Variants in NKD1 observed in about 807,000 individuals in gnomAD.
The protein encoded by NKD1 is NKD inhibitor of Wnt signaling pathway 1.
Under a neutral mutation model 56.0 loss-of-function variants are expected in NKD1, and 21 were observed. That is an observed-to-expected ratio of 0.38 (90% CI 0.27 to 0.54). NKD1 has a LOEUF of 0.54. Among genes scored for constraint, NKD1 ranks in the 20% least tolerant of loss-of-function variants. The pLI is 0.82. For synonymous variants in NKD1, 263 were observed against 265.7 expected (o/e 0.99, Z 0.10); for missense variants, 578 against 642.7 (o/e 0.90, Z 1.09).
At position 50,630,175 on chromosome 16, in the gene NKD1, C is replaced by A; in HGVS notation, c.463-11C>A. The A allele has an allele frequency of 6.2e-7, 1 of 1,613,358 alleles. No individual in the cohort carries two copies. The highest frequency in any genetic ancestry group is 8.5e-7 in the Non-Finnish European group (1 of 1,179,516). On this transcript the variant is annotated splice_polypyrimidine_tract_variant and intron_variant, in intron 6 of 9. Coordinates refer to ENST00000268459, the MANE Select transcript of NKD1 (RefSeq NM_033119.5). ...AAACCCTGCATGGGTCTCCGCTTCC[C>A]TCCCATTCAGGACATCACCAGCTTG... is the stretch of plus-strand genomic sequence containing the variant.
At chr16:50,591,754 G>A (rs1222921475) in intron 3 of NKD1, among the ~76,000 whole-genome samples, 1 of 152,248 alleles carries the variant, frequency 6.6e-6, no homozygotes, top group Non-Finnish European at 1.5e-5. Flanking sequence ...GAAGGCTGTG[G>A]AGCCAGGAAG....
chr16:50,643,027 T>C lies in NKD1; in HGVS notation c.*9246T>C, dbSNP rs1454193523. 1.3e-5 allele frequency: 2 copies of C among 152,132 alleles called. No individual in the cohort carries two copies. The highest frequency in any genetic ancestry group is 2.9e-5 in the Non-Finnish European group (2 of 68,040). The allele number at this position is 152,132 out of a possible 1,614,324, so 9.4% of individuals were successfully genotyped here. On this transcript the variant is annotated 3_prime_UTR_variant, in exon 10 of 10. Coordinates refer to ENST00000268459, the MANE Select transcript of NKD1 (RefSeq NM_033119.5). ...TGGCAGCTCTAAGTCCTACAAACAG[T>C]AGGGGTAGTGGTGGGGATGGGCAGC...
chr16:50,570,209 A>G (rs1286935769), intron 3 of NKD1, among the ~76,000 whole-genome samples: 1 of 152,190 alleles, frequency 6.6e-6, no homozygotes, highest in Non-Finnish European at 1.5e-5. Context: ...TGTGGCTACT[A>G]GAACATTTAA....
intron 3 of NKD1, chr16:50,573,818 G>A (rs945508240): frequency 2.1e-5 from 21 of 985,260 alleles, no homozygotes; most frequent in South Asian, 1.4e-4. Context: ...GAACTCTCAC[G>A]GAAACGGGTT....
intron 6 of NKD1, among the ~76,000 whole-genome samples, chr16:50,628,292 G>T (rs1962267416): frequency 6.6e-6 from 1 of 152,218 alleles, no homozygotes; most frequent in Non-Finnish European, 1.5e-5. Context: ...ACTGAGCTGA[G>T]CGGCCGTGCC....
chr16:50,551,133 G>T (rs1314837482), intron 3 of NKD1, among the ~76,000 whole-genome samples: 1 of 151,860 alleles, frequency 6.6e-6, no homozygotes, highest in East Asian at 1.9e-4. Context: ...GGAGGGAGGA[G>T]GAAAGAGGGA....
chr16:50,589,716 T>TCTCTC (rs1302291796), intron 3 of NKD1, among the ~76,000 whole-genome samples: 15 of 48,102 alleles, frequency 3.1e-4, no homozygotes, highest in Admixed American at 4.9e-4. Flanking sequence ...TCTCTTCTCT[T>TCTCTC]CTCTTCTCTT....
At chr16:50,576,493 T>C (rs1202336651) in intron 3 of NKD1, among the ~76,000 whole-genome samples, 1 of 152,236 alleles carries the variant, frequency 6.6e-6, no homozygotes, top group East Asian at 1.9e-4. Context: ...CCTTTTGTTA[T>C]GTTTCTGATT....
chr16:50,586,471 C>T (rs1961232572), intron 3 of NKD1, among the ~76,000 whole-genome samples: 1 of 152,122 alleles, frequency 6.6e-6, no homozygotes, highest in African/African-American at 2.4e-5. Flanking sequence ...CCACCGTGAG[C>T]CACGTGTCTG....
At chr16:50,606,828 T>C (rs537566848) in intron 3 of NKD1, 1 of 456,694 alleles carries the variant, frequency 2.2e-6, no homozygotes, top group African/African-American at 2.0e-5. Flanking sequence ...CTACCAGCCT[T>C]TCAGGGGGCG....
At chr16:50,588,751 C>T (rs1402306455) in intron 3 of NKD1, among the ~76,000 whole-genome samples, 1 of 151,794 alleles carries the variant, frequency 6.6e-6, no homozygotes, top group Admixed American at 6.6e-5. Context: ...TTACCAGCGC[C>T]CGCCATCATG....
chr16:50,603,903 C>G (rs2151274445), intron 3 of NKD1, among the ~76,000 whole-genome samples: 1 of 152,286 alleles, frequency 6.6e-6, no homozygotes, highest in South Asian at 2.1e-4. Flanking sequence ...ACCACTGGGA[C>G]TTAGGAAGGT....
In NKD1 at chr16:50,637,369, C is replaced by G. The variant is rs907493556; in HGVS notation, c.*3588C>G. ...ATCACCTGAGGTCAGGAGTTCGAGA[C>G]CAACCTGGGCAACATGGTGAAACCC... On this transcript the variant is annotated 3_prime_UTR_variant, in exon 10 of 10. Transcript: ENST00000268459. 4 of 152,152 alleles carry G rather than the reference C, an allele frequency of 2.6e-5. No homozygotes were observed. The highest frequency in any genetic ancestry group is 6.5e-5 in the Admixed American group (1 of 15,280). The allele number at this position is 152,152 out of a possible 1,614,324, so 9.4% of individuals were successfully genotyped here. A position where few individuals can be genotyped will look rare whatever the true frequency, so the allele number is the denominator to read the frequency against.
In NKD1 at chr16:50,621,627, C is replaced by A. The variant is rs753605258; in HGVS notation, c.285C>A (p.Asp95Glu). 1.2e-6 allele frequency: 2 copies of A among 1,613,866 alleles called. No individual in the cohort carries two copies. Among genetic ancestry groups the A allele is most frequent in the Non-Finnish European group, 1.7e-6 (2 of 1,179,832 alleles). ...TGGCCCTGCCTCCTGAGAAGACTGACGGGCTGGGCAGCGGAGATGAGAAGA... is the reference window on the plus strand; with the variant it reads ...TGGCCCTGCCTCCTGAGAAGACTGAAGGGCTGGGCAGCGGAGATGAGAAGA... The part of the protein sequence containing the change: ...LEVALPPEKT[D>E]GLGSGDEKKM... The change falls in exon 5 of 10, where the codon GAC becomes GAA. Residue 95 changes from aspartate to glutamate, a missense_variant. By Grantham distance (45) the Asp-to-Glu change is conservative. Transcript: ENST00000268459.
chr16:50,589,743 T>C (rs1961314658), intron 3 of NKD1, among the ~76,000 whole-genome samples: 1 of 108,104 alleles, frequency 9.3e-6, no homozygotes, highest in African/African-American at 3.7e-5. Context: ...TCTTCTCTTC[T>C]CTTCTCTTCT....
In NKD1 at chr16:50,549,478, G is replaced by C. The variant is rs781157182; in HGVS notation, c.115G>C (p.Gly39Arg). ...WARKGIEEWIGRQRCPGGVSG... is the reference protein window; with the variant it reads ...WARKGIEEWIRRQRCPGGVSG... Reference sequence around the variant, plus strand: ...TCGGAAGGGCATCGAGGAGTGGATCGGGAGACAGCGCTGCCCGGGCGGTGT... The same window carrying C: ...TCGGAAGGGCATCGAGGAGTGGATCCGGAGACAGCGCTGCCCGGGCGGTGT... Residue 39 changes from glycine to arginine, a missense_variant, in exon 3 of 10, where the codon GGG (glycine) becomes CGG (arginine). Coordinates refer to ENST00000268459, the MANE Select transcript of NKD1 (RefSeq NM_033119.5). 1.2e-6 allele frequency: 2 copies of C among 1,610,658 alleles called. No individual in the cohort carries two copies. Among genetic ancestry groups the C allele is most frequent in the Non-Finnish European group, 1.7e-6 (2 of 1,178,718 alleles).
Position 50,571,629 on chromosome 16 carries a change from C to T in NKD1, c.192+22074C>T, listed in dbSNP as rs551081060. Reference sequence around the variant, plus strand: ...CCTAACTCCTCCCCTTCCTTCCCTGCAGAGCTGCCAGATGGACACCTTTCG... The same window carrying T: ...CCTAACTCCTCCCCTTCCTTCCCTGTAGAGCTGCCAGATGGACACCTTTCG... On this transcript the variant is annotated intron_variant, in intron 3 of 9. Coordinates refer to ENST00000268459, the MANE Select transcript of NKD1 (RefSeq NM_033119.5). The T allele has an allele frequency of 1.3e-5, 8 of 601,192 alleles. No individual in the cohort carries two copies. In the African/African-American group the frequency reaches 1.6e-4, roughly 12 times the overall value. 37.2% of individuals were successfully genotyped at this position (601,192 alleles called of 1,614,324 possible).
Position 50,640,722 on chromosome 16 carries a change from A to T in NKD1, c.*6941A>T, listed in dbSNP as rs577733528. On this transcript the variant is annotated 3_prime_UTR_variant, in exon 10 of 10. Transcript: ENST00000268459. ...TTTACAAAGCAGTCACATTTCAAATAAAAGTCTGGGAAAGCAACACATCAT... is the reference window on the plus strand; with the variant it reads ...TTTACAAAGCAGTCACATTTCAAATTAAAGTCTGGGAAAGCAACACATCAT... The T allele has an allele frequency of 3.3e-5, 5 of 152,240 alleles. No individual in the cohort carries two copies. In the South Asian group the frequency reaches 1.0e-3, roughly 31 times the overall value. The allele number at this position is 152,240 out of a possible 1,614,324, so 9.4% of individuals were successfully genotyped here.
chr16:50,551,079 G>A (rs1374941465), intron 3 of NKD1, among the ~76,000 whole-genome samples: 1 of 152,108 alleles, frequency 6.6e-6, no homozygotes, highest in Non-Finnish European at 1.5e-5. Context: ...AATGTTACCC[G>A]CATGTTTTTG....
Sources: gnomAD v4.1 joint callset for allele counts (sites outside exome capture counted in the v4.1 genomes callset) on GRCh38, gnomAD v4.1.1 for gene constraint, MANE v1.5 for transcripts, NCBI Gene and HGNC (gene_info 2026-07-23, HGNC 2026-07-21) for gene names.